Variants in RNF222 observed in about 807,000 individuals in gnomAD.
RNF222 encodes the protein RING finger protein LOC643904.
A neutral mutation model predicts 10.8 loss-of-function variants in RNF222; 14 were observed. The ratio of observed to expected loss-of-function variants is 1.30; its 90% CI spans 0.86 to 2.03. The LOEUF is 2.03. Ranked by LOEUF, RNF222 falls within the 30% of genes most tolerant of loss-of-function variation. The pLI is 0.00. For missense variants in RNF222, 298 were observed against 295.8 expected (o/e 1.01, Z -0.06); for synonymous variants, 141 against 142.5 (o/e 0.99, Z 0.07).
At chr17:8,394,649 G>A (rs1466076041) in intron 1 of RNF222, among the ~76,000 whole-genome samples, 1 of 152,184 alleles carries the variant, frequency 6.6e-6, no homozygotes, top group Non-Finnish European at 1.5e-5. Context: ...TGTTGGCCAG[G>A]CTGGTCTTGA....
chr17:8,392,708 G>C lies in RNF222; in HGVS notation c.*91C>G. 7.0e-7 allele frequency: 1 copy of C among 1,431,360 alleles called. No individual in the cohort carries two copies. The highest frequency in any genetic ancestry group is 9.2e-7 in the Non-Finnish European group (1 of 1,086,714). 88.7% of individuals were successfully genotyped at this position (1,431,360 alleles called of 1,614,324 possible). On this transcript the variant is annotated 3_prime_UTR_variant, in exon 3 of 3. Transcript: ENST00000399398. This position sits in a 1 kb window ranked among gnomAD's most constrained non-coding sequence, Gnocchi z 4.3. ...GGTCCTCCCCTCTGCCTGCCCGCGT[G>C]CCCCTCGGAGCTTGGTGGCACCAGG... is the stretch of plus-strand genomic sequence containing the variant.
rs1907858720 is a variant in RNF222 at position 8,392,215 on chromosome 17, C to G, written c.*584G>C. 1 of 152,876 alleles carries G rather than the reference C, an allele frequency of 6.5e-6. No individual in the cohort carries two copies. The highest frequency in any genetic ancestry group is 1.5e-5 in the Non-Finnish European group (1 of 68,506). 9.5% of individuals were successfully genotyped at this position (152,876 alleles called of 1,614,324 possible). A position where few individuals can be genotyped will look rare whatever the true frequency, so the allele number is the denominator to read the frequency against. On this transcript the variant is annotated 3_prime_UTR_variant, in exon 3 of 3. Coordinates refer to ENST00000399398, the MANE Select transcript of RNF222 (RefSeq NM_001146684.3). The surrounding 1 kb of genome is among the most constrained non-coding windows in gnomAD (Gnocchi z 4.3). The stretch of plus-strand genomic sequence containing the variant: ...TCTCCCAGAAATTCTGGGGCAGCCT[C>G]TGAGATCAGCTTCTCCTTCAGGGAA...
intron 1 of RNF222, among the ~76,000 whole-genome samples, chr17:8,396,192 T>G (rs1908032661): frequency 6.6e-6 from 1 of 152,142 alleles, no homozygotes; most frequent in Non-Finnish European, 1.5e-5. Context: ...TAGAGATCAC[T>G]TAGTTGAAGC....
chr17:8,392,802 C>A lies in RNF222; in HGVS notation c.660G>T (p.Ala220=). The A allele has an allele frequency of 6.5e-7, 1 of 1,531,036 alleles. No individual in the cohort carries two copies. The highest frequency in any genetic ancestry group is 8.7e-7 in the Non-Finnish European group (1 of 1,144,794). 94.8% of individuals were successfully genotyped at this position (1,531,036 alleles called of 1,614,324 possible). A position where few individuals can be genotyped will look rare whatever the true frequency, so the allele number is the denominator to read the frequency against. Reference sequence around the variant, plus strand: ...GGCGGCCTCCCTGAGGTGCGGCTCACGCCTGCTTCCTCACCAGCAGCACCC... The same window carrying A: ...GGCGGCCTCCCTGAGGTGCGGCTCAAGCCTGCTTCCTCACCAGCAGCACCC... ...LPWVLLVRKQ[A] Residue 220 remains alanine (A), a synonymous_variant, in exon 3 of 3, where the codon GCG becomes GCT. Coordinates refer to ENST00000399398, the MANE Select transcript of RNF222 (RefSeq NM_001146684.3). The surrounding 1 kb of genome is among the most constrained non-coding windows in gnomAD (Gnocchi z 4.3).
chr17:8,395,639 C>A (rs1037651996), intron 1 of RNF222, among the ~76,000 whole-genome samples: 3 of 152,144 alleles, frequency 2.0e-5, no homozygotes, highest in African/African-American at 7.2e-5. Context: ...ATTAAAAAAT[C>A]GCACCCACTT....
chr17:8,396,591 C>T (rs1368393697), intron 1 of RNF222, among the ~76,000 whole-genome samples: 2 of 151,788 alleles, frequency 1.3e-5, no homozygotes, highest in African/African-American at 4.8e-5. Flanking sequence ...ATCCTTCCCC[C>T]TTCCAATGAT....
rs1657597609 is a variant in RNF222, at chr17:8,391,005, C to CA, written c.*1793dup. The CA allele has an allele frequency of 6.6e-6, 1 of 150,392 alleles. No homozygotes were observed. The highest frequency in any genetic ancestry group is 2.4e-5 in the African/African-American group (1 of 41,038). The allele number at this position is 150,392 out of a possible 1,614,324, so 9.3% of individuals were successfully genotyped here. ...GGAATCCATCTGTATCCCTCCCCTC[C>CA]AATAGCACCTGTGCTCTTCTGTAAT... On this transcript the variant is annotated 3_prime_UTR_variant, in exon 3 of 3. Coordinates refer to ENST00000399398, the MANE Select transcript of RNF222 (RefSeq NM_001146684.3).
intron 2 of RNF222, 86 bp from the exon 3 acceptor site, chr17:8,393,572 GCCCCTTATC>G: frequency 6.9e-7 from 1 of 1,441,654 alleles, no homozygotes; most frequent in South Asian, 1.4e-5. Context: ...TGCCTCCACT[GCCCCTTATC>G]CCCTCTCCCT....
At chr17:8,395,699 GGATAA>G (rs1214041065) in intron 1 of RNF222, among the ~76,000 whole-genome samples, 1 of 152,186 alleles carries the variant, frequency 6.6e-6, no homozygotes, top group Non-Finnish European at 1.5e-5. Context: ...AGATGACAAT[GGATAA>G]GATAAGTGAT....
At chr17:8,394,673 G>A (rs1289621106) in intron 1 of RNF222, among the ~76,000 whole-genome samples, 1 of 152,128 alleles carries the variant, frequency 6.6e-6, no homozygotes, top group Non-Finnish European at 1.5e-5. Flanking sequence ...CCTGACCTCC[G>A]GTGATCCGCC....
rs1398356048 is a variant in RNF222 at position 8,392,838 on chromosome 17, GGCGGCCACC to G, written c.615_623del (p.Val206_Ala208del). On this transcript the variant is annotated inframe_deletion, in exon 3 of 3. Coordinates refer to ENST00000399398, the MANE Select transcript of RNF222 (RefSeq NM_001146684.3). The surrounding 1 kb of genome is among the most constrained non-coding windows in gnomAD (Gnocchi z 4.3). ...TCACCAGCAGCACCCAGGGCAGGAT[GGCGGCCACC>G]ACGGCCACCACAGCGATGAGCGTGA... The G allele has an allele frequency of 6.5e-7, 1 of 1,533,154 alleles. No individual in the cohort carries two copies. Among genetic ancestry groups the G allele is most frequent in the African/African-American group, 1.4e-5 (1 of 73,044 alleles). 95.0% of individuals were successfully genotyped at this position (1,533,154 alleles called of 1,614,324 possible).
chr17:8,396,504 C>T (rs2151684825), intron 1 of RNF222, among the ~76,000 whole-genome samples: 1 of 152,282 alleles, frequency 6.6e-6, no homozygotes, highest in East Asian at 1.9e-4. Flanking sequence ...GATGGCCTCT[C>T]TGGGCAATCC....
intron 1 of RNF222, among the ~76,000 whole-genome samples, chr17:8,397,428 A>G (rs1034178828): frequency 2.0e-5 from 3 of 151,918 alleles, no homozygotes; most frequent in African/African-American, 2.4e-5. Context: ...CACCCCAGAG[A>G]AAACACCCCC....
chr17:8,396,741 A>G (rs1908051625), intron 1 of RNF222, among the ~76,000 whole-genome samples: 3 of 152,066 alleles, frequency 2.0e-5, no homozygotes. Flanking sequence ...TCCCTTTCTC[A>G]GTCTTTCCCT....
At chr17:8,394,655 C>T (rs896183217) in intron 1 of RNF222, among the ~76,000 whole-genome samples, 2 of 152,164 alleles carry the variant, frequency 1.3e-5, no homozygotes, top group Non-Finnish European at 2.9e-5. Flanking sequence ...CCAGGCTGGT[C>T]TTGAACTCCT....
In RNF222 at chr17:8,393,311, C is replaced by T. The variant is rs1253717492; in HGVS notation, c.151G>A (p.Val51Met). 12 of 1,551,486 alleles carry T rather than the reference C, an allele frequency of 7.7e-6. No individual in the cohort carries two copies. The East Asian group carries it at 1.5e-4, about 19-fold the overall frequency. ...AGGGTCCTCTGGACCTGCCCATCCA[C>T]GCGGGTGGACAGCAGGTACTTGACC... ...CLVKYLLSTR[V>M]DGQVQRTLVC... is the part of the protein sequence containing the mutation. Residue 51 changes from valine (V) to methionine (M), a missense_variant, in exon 3 of 3, where the codon GTG (valine) becomes ATG (methionine). Coordinates refer to ENST00000399398, the MANE Select transcript of RNF222 (RefSeq NM_001146684.3).
intron 1 of RNF222, among the ~76,000 whole-genome samples, chr17:8,396,838 G>C (rs1567713222): frequency 6.6e-6 from 1 of 152,096 alleles, no homozygotes. Flanking sequence ...CTGTTTGGAT[G>C]CTGGGGTGAG....
At position 8,392,839 on chromosome 17, in the gene RNF222, G is replaced by GCGGCCACCA. The variant is rs1216856935; in HGVS notation, c.614_622dup (p.Val205_Ala207dup). The GCGGCCACCA allele has an allele frequency of 3.9e-6, 6 of 1,533,164 alleles. No homozygotes were observed. The highest frequency in any genetic ancestry group is 4.4e-6 in the Non-Finnish European group (5 of 1,146,314). 95.0% of individuals were successfully genotyped at this position (1,533,164 alleles called of 1,614,324 possible). On this transcript the variant is annotated inframe_insertion, in exon 3 of 3. Coordinates refer to ENST00000399398, the MANE Select transcript of RNF222 (RefSeq NM_001146684.3). This position sits in a 1 kb window ranked among gnomAD's most constrained non-coding sequence, Gnocchi z 4.3. Reference sequence around the variant, plus strand: ...CACCAGCAGCACCCAGGGCAGGATGGCGGCCACCACGGCCACCACAGCGAT... The same window carrying GCGGCCACCA: ...CACCAGCAGCACCCAGGGCAGGATGGCGGCCACCACGGCCACCACGGCCACCACAGCGAT...
At chr17:8,395,302 A>T (rs996968437) in intron 1 of RNF222, among the ~76,000 whole-genome samples, 1 of 152,202 alleles carries the variant, frequency 6.6e-6, no homozygotes, top group African/African-American at 2.4e-5. Flanking sequence ...CAAATCTTTG[A>T]TCTACCCATT....
Sources: gnomAD v4.1 joint callset for allele counts (sites outside exome capture counted in the v4.1 genomes callset) on GRCh38, gnomAD v4.1.1 for gene constraint, Gnocchi (gnomAD v3.1) non-coding constraint, MANE v1.5 for transcripts, NCBI Gene and HGNC (gene_info 2026-07-23, HGNC 2026-07-21) for gene names.